Variants in GNAQ observed in about 807,000 individuals in gnomAD.
The protein encoded by GNAQ is G protein subunit alpha q.
GNAQ carries 8 observed loss-of-function variants against 43.9 expected under a neutral mutation model. The ratio of observed to expected loss-of-function variants is 0.18; its 90% CI spans 0.11 to 0.33. The LOEUF is 0.33. Among genes scored for constraint, GNAQ ranks in the 10% least tolerant of loss-of-function variants. The pLI, the probability that GNAQ is intolerant of heterozygous loss-of-function variation, is 1.00. For synonymous variants in GNAQ, 155 were observed against 170.7 expected (o/e 0.91, Z 0.71); for missense variants, 158 against 450.8 (o/e 0.35, Z 5.88).
In GNAQ at chr9:78,031,370, G is replaced by A. The variant is rs1208130070; in HGVS notation, c.-135C>T. 5.3e-6 allele frequency: 3 copies of A among 564,798 alleles called. No individual in the cohort carries two copies. In the African/African-American group the frequency reaches 6.1e-5, roughly 11 times the overall value. 35.0% of individuals were successfully genotyped at this position (564,798 alleles called of 1,614,324 possible). A position where few individuals can be genotyped will look rare whatever the true frequency, so the allele number is the denominator to read the frequency against. On this transcript the variant is annotated 5_prime_UTR_variant, in exon 1 of 7. Transcript: ENST00000286548. ...CCGCCCGGGCGCGCGTCCGGGACGA[G>A]CTCCGGGAACCGCCGCGGGGGCGGC...
intron 1 of GNAQ, among the ~76,000 whole-genome samples, chr9:77,976,973 G>A (rs1823310620): frequency 6.6e-6 from 1 of 152,084 alleles, no homozygotes; most frequent in Admixed American, 6.5e-5. Flanking sequence ...CAAGCATCAA[G>A]CACTAGACTA....
intron 1 of GNAQ, among the ~76,000 whole-genome samples, chr9:78,026,986 A>C (rs1823987632): frequency 6.6e-6 from 1 of 152,212 alleles, no homozygotes. Context: ...CCATGGAGAA[A>C]AATGTATGGT....
intron 5 of GNAQ, among the ~76,000 whole-genome samples, chr9:77,742,131 C>G (rs977282377): frequency 1.3e-5 from 2 of 152,162 alleles, no homozygotes; most frequent in Non-Finnish European, 2.9e-5. Flanking sequence ...ACTACGTTGA[C>G]TTACTTGTAG....
At chr9:77,911,331 A>C (rs1415661216) in intron 2 of GNAQ, among the ~76,000 whole-genome samples, 1 of 152,164 alleles carries the variant, frequency 6.6e-6, no homozygotes, top group East Asian at 1.9e-4. Flanking sequence ...TAGTGTCCAA[A>C]GGTCATTGCT....
chr9:77,721,225 T>C lies in GNAQ; in HGVS notation c.*98A>G, dbSNP rs1825305892. The C allele has an allele frequency of 5.6e-6, 4 of 713,608 alleles. No individual in the cohort carries two copies. The highest frequency in any genetic ancestry group is 9.6e-6 in the Non-Finnish European group (4 of 418,482). The allele number at this position is 713,608 out of a possible 1,614,324, so 44.2% of individuals were successfully genotyped here. On this transcript the variant is annotated 3_prime_UTR_variant, in exon 7 of 7. Transcript: ENST00000286548. ...CACAGAGTCCAGGACGGCAATAAAT[T>C]AGTATTATGCAAATTGTTTTCCACA... is the stretch of plus-strand genomic sequence containing the variant.
chr9:77,872,228 A>G (rs1828049736), intron 2 of GNAQ, among the ~76,000 whole-genome samples: 1 of 152,268 alleles, frequency 6.6e-6, no homozygotes, highest in Admixed American at 6.5e-5. Context: ...GTTTGGTTGT[A>G]AAGCAGAACT....
chr9:77,984,468 C>T (rs1204739105), intron 1 of GNAQ, among the ~76,000 whole-genome samples: 1 of 152,084 alleles, frequency 6.6e-6, no homozygotes, highest in Non-Finnish European at 1.5e-5. Flanking sequence ...CCTGAAGTAC[C>T]TGTTTAACTG....
intron 5 of GNAQ, among the ~76,000 whole-genome samples, chr9:77,739,277 G>A (rs955298901): frequency 2.0e-5 from 3 of 152,148 alleles, no homozygotes; most frequent in African/African-American, 7.2e-5. Flanking sequence ...GAACAGCAGT[G>A]AGGCTGAAGA....
At chr9:77,893,374 T>A (rs1828435003) in intron 2 of GNAQ, among the ~76,000 whole-genome samples, 1 of 152,170 alleles carries the variant, frequency 6.6e-6, no homozygotes, top group African/African-American at 2.4e-5. Flanking sequence ...AGTTTACAGA[T>A]GCCATGGCAA....
chr9:77,900,000 TC>T (rs1487733945), intron 2 of GNAQ, among the ~76,000 whole-genome samples: 1 of 152,156 alleles, frequency 6.6e-6, no homozygotes, highest in African/African-American at 2.4e-5. Context: ...ACCTGTCCAC[TC>T]TGGGATGTAC....
rs556785414 is a variant in GNAQ at position 77,850,493 on chromosome 9, C to G, written c.322-34723G>C. ...GCATCCACGAAGATCTTTTTCCAGTCCGTTCTCCACAGTGTGATGGAATGA... is the reference window on the plus strand; with the variant it reads ...GCATCCACGAAGATCTTTTTCCAGTGCGTTCTCCACAGTGTGATGGAATGA... On this transcript the variant is annotated intron_variant, in intron 2 of 6. Coordinates refer to ENST00000286548, the MANE Select transcript of GNAQ (RefSeq NM_002072.5). Among the ~76,000 whole-genome samples, 8 of 152,266 alleles carry G rather than the reference C, an allele frequency of 5.3e-5. No individual in the cohort carries two copies. In the South Asian group the frequency reaches 1.5e-3, roughly 28 times the overall value.
At chr9:77,722,844 G>T (rs949044661) in intron 6 of GNAQ, among the ~76,000 whole-genome samples, 1 of 151,718 alleles carries the variant, frequency 6.6e-6, no homozygotes, top group Non-Finnish European at 1.5e-5. Flanking sequence ...GTAAAGATGG[G>T]GGTATCACTA....
In GNAQ at chr9:77,718,111, G is replaced by A. The variant is rs1324543762; in HGVS notation, c.*3212C>T. 4.3e-6 allele frequency: 1 copy of A among 232,788 alleles called. No homozygotes were observed. The highest frequency in any genetic ancestry group is 8.5e-6 in the Non-Finnish European group (1 of 117,814). 14.4% of individuals were successfully genotyped at this position (232,788 alleles called of 1,614,324 possible). A position where few individuals can be genotyped will look rare whatever the true frequency, so the allele number is the denominator to read the frequency against. On this transcript the variant is annotated 3_prime_UTR_variant, in exon 7 of 7. Coordinates refer to ENST00000286548, the MANE Select transcript of GNAQ (RefSeq NM_002072.5). ...TAAGTGAGTCATGAAATGGCTGCTT[G>A]CCTTGGTATGCTGAAGAAAGGTTTC... is the stretch of plus-strand genomic sequence containing the variant.
intron 1 of GNAQ, among the ~76,000 whole-genome samples, chr9:77,971,264 C>T (rs1823233795): frequency 6.6e-6 from 1 of 152,184 alleles, no homozygotes; most frequent in Non-Finnish European, 1.5e-5. Flanking sequence ...AGGGAATCCA[C>T]CCGAACTCAT....
intron 3 of GNAQ, among the ~76,000 whole-genome samples, chr9:77,806,313 G>A (rs1184481391): frequency 2.0e-5 from 3 of 152,196 alleles, no homozygotes; most frequent in Non-Finnish European, 4.4e-5. Context: ...TGGTCTGCCT[G>A]CCTTGAAACT....
chr9:77,743,089 C>G (rs1825678166), intron 5 of GNAQ, among the ~76,000 whole-genome samples: 2 of 152,152 alleles, frequency 1.3e-5, no homozygotes, highest in South Asian at 4.1e-4. Flanking sequence ...GAAACCCCGT[C>G]TCTACTAAAA....
At chr9:77,968,683 C>G (rs1254652173) in intron 1 of GNAQ, among the ~76,000 whole-genome samples, 1 of 152,198 alleles carries the variant, frequency 6.6e-6, no homozygotes, top group Non-Finnish European at 1.5e-5. Context: ...ATGTAAATGG[C>G]CTTCAATTAC....
At chr9:77,962,892 CAAAAAAAAAAAA>C (rs538653191) in intron 1 of GNAQ, among the ~76,000 whole-genome samples, 2 of 55,240 alleles carry the variant, frequency 3.6e-5, no homozygotes, top group African/African-American at 1.4e-4. Flanking sequence ...AACTTAGTCT[CAAAAAAAAAAAA>C]AAAAAAAAAA....
Position 78,031,012 on chromosome 9 carries a change from G to C in GNAQ, c.136+88C>G, listed in dbSNP as rs1247225891. 15 of 992,186 alleles carry C rather than the reference G, an allele frequency of 1.5e-5. No individual in the cohort carries two copies. In the East Asian group the frequency reaches 4.1e-4, roughly 27 times the overall value. 61.5% of individuals were successfully genotyped at this position (992,186 alleles called of 1,614,324 possible). A position where few individuals can be genotyped will look rare whatever the true frequency, so the allele number is the denominator to read the frequency against. The stretch of plus-strand genomic sequence containing the variant: ...AGGGGCGAACCGCGGGCGCCGGGGG[G>C]CGGGGGCGCCGAAGGCAGCTGCCCC... On this transcript the variant is annotated intron_variant, in intron 1 of 6. Coordinates refer to ENST00000286548, the MANE Select transcript of GNAQ (RefSeq NM_002072.5).
Sources: allele counts gnomAD v4.1 joint callset (sites outside exome capture counted in the v4.1 genomes callset), GRCh38; gene constraint gnomAD v4.1.1; transcripts MANE v1.5; gene names NCBI Gene and HGNC (gene_info 2026-07-23, HGNC 2026-07-21).